REDIC1: variants seen among roughly 807,000 people sequenced by gnomAD.
The protein encoded by REDIC1 is HEI10 Interacting Protein 1.
the REDIC1 span, among the ~76,000 whole-genome samples, chr12:39,635,545 A>C: frequency 6.6e-6 from 1 of 152,028 alleles, no homozygotes; most frequent in East Asian, 1.9e-4. Flanking sequence ...TCACAAGGAC[A>C]GAAAACCAAA....
chr12:39,736,061 C>T, the REDIC1 span, among the ~76,000 whole-genome samples: 1 of 152,200 alleles, frequency 6.6e-6, no homozygotes, highest in Non-Finnish European at 1.5e-5. Flanking sequence ...GAGAAAACTA[C>T]TTAGCTGCAA....
the REDIC1 span, among the ~76,000 whole-genome samples, chr12:39,835,409 C>T: frequency 1.3e-5 from 2 of 151,974 alleles, no homozygotes; most frequent in Non-Finnish European, 2.9e-5. Flanking sequence ...ATTTCAAGGG[C>T]AGAAATTATA....
chr12:39,825,706 C>T, the REDIC1 span, among the ~76,000 whole-genome samples: 2 of 152,064 alleles, frequency 1.3e-5, no homozygotes, highest in Non-Finnish European at 2.9e-5. Context: ...TGCCTTCTCT[C>T]TCTTCTTGAT....
At chr12:39,646,983 A>G in the REDIC1 span, 1 of 852,766 alleles carries the variant, frequency 1.2e-6, no homozygotes, top group Non-Finnish European at 1.8e-6. Context: ...AATTATTTTA[A>G]AGAAAATTTT....
the REDIC1 span, among the ~76,000 whole-genome samples, chr12:39,626,939 G>C: frequency 1.3e-5 from 2 of 152,202 alleles, no homozygotes; most frequent in Admixed American, 6.5e-5. Flanking sequence ...AAGCGTGATA[G>C]ATTGAAAATT....
chr12:39,647,014 A>C, the REDIC1 span: 1 of 582,960 alleles, frequency 1.7e-6, no homozygotes, highest in South Asian at 2.6e-5. Context: ...TTCTTTTAAA[A>C]GCTTTCCAGG....
At chr12:39,756,394 AG>A in the REDIC1 span, 2 of 150,820 alleles carry the variant, frequency 1.3e-5, no homozygotes, top group Admixed American at 1.3e-4. Flanking sequence ...TTAGGTACTT[AG>A]TATAAGTTGA....
At chr12:39,797,989 A>T in the REDIC1 span, among the ~76,000 whole-genome samples, 250 of 152,296 alleles carry the variant, frequency 1.6e-3, 2 homozygotes, top group East Asian at 0.026. Flanking sequence ...TTGTGTAACC[A>T]ATTTGATATT....
At chr12:39,682,802 C>G in the REDIC1 span, 1 of 1,612,548 alleles carries the variant, frequency 6.2e-7, no homozygotes, top group Non-Finnish European at 8.5e-7. Flanking sequence ...AACCTTCTAT[C>G]AGAGAATTGT....
chr12:39,721,758 A>T, the REDIC1 span: 1 of 152,228 alleles, frequency 6.6e-6, no homozygotes, highest in South Asian at 2.1e-4. Flanking sequence ...TAAAAATTCT[A>T]GCATTAATTT....
chr12:39,675,107 A>T, the REDIC1 span, among the ~76,000 whole-genome samples: 3 of 152,092 alleles, frequency 2.0e-5, no homozygotes, highest in African/African-American at 7.2e-5. Context: ...AGAGTGAGAC[A>T]GGCTTTACTT....
the REDIC1 span, among the ~76,000 whole-genome samples, chr12:39,750,250 CACA>C: frequency 6.6e-6 from 1 of 152,188 alleles, no homozygotes; most frequent in Admixed American, 6.5e-5. Flanking sequence ...GTGCAGAAAT[CACA>C]AGGATTCTTA....
chr12:39,709,929 A>G, the REDIC1 span, among the ~76,000 whole-genome samples: 1 of 151,898 alleles, frequency 6.6e-6, no homozygotes, highest in African/African-American at 2.4e-5. Context: ...ACCATTTTAT[A>G]TTTCCACCAG....
At chr12:39,633,916 GT>G in the REDIC1 span, among the ~76,000 whole-genome samples, 1 of 151,962 alleles carries the variant, frequency 6.6e-6, no homozygotes, top group Non-Finnish European at 1.5e-5. Context: ...TAAAAAGTTT[GT>G]TTTTTTGGTT....
At chr12:39,770,608 A>G in the REDIC1 span, among the ~76,000 whole-genome samples, 1 of 152,264 alleles carries the variant, frequency 6.6e-6, no homozygotes, top group East Asian at 1.9e-4. Context: ...TGTTGGGAAC[A>G]TTAAATATTC....
At chr12:39,805,763 C>T in the REDIC1 span, among the ~76,000 whole-genome samples, 2 of 152,070 alleles carry the variant, frequency 1.3e-5, no homozygotes, top group African/African-American at 4.8e-5. Flanking sequence ...TCAATGAAAC[C>T]AGATCTGAGT....
At chr12:39,793,352 A>C in the REDIC1 span, among the ~76,000 whole-genome samples, 1 of 152,144 alleles carries the variant, frequency 6.6e-6, no homozygotes, top group African/African-American at 2.4e-5. Context: ...AAATGCAGAG[A>C]TGTACCTTGT....
At chr12:39,731,426 G>A in the REDIC1 span, among the ~76,000 whole-genome samples, 122 of 152,290 alleles carry the variant, frequency 8.0e-4, no homozygotes, top group Middle Eastern at 3.4e-3. Flanking sequence ...AGGTCTGCTG[G>A]AGTTTGCTGG....
At chr12:39,861,016 A>G in the REDIC1 span, among the ~76,000 whole-genome samples, 1 of 152,208 alleles carries the variant, frequency 6.6e-6, no homozygotes, top group Admixed American at 6.5e-5. Context: ...ATCTGTCTTA[A>G]TAGTCTTATC....
Sources: allele counts gnomAD v4.1 joint callset (sites outside exome capture counted in the v4.1 genomes callset), GRCh38; gene constraint gnomAD v4.1.1; transcripts MANE v1.5; gene names NCBI Gene and HGNC (gene_info 2026-07-23, HGNC 2026-07-21).